Variants in TASP1 observed in about 807,000 individuals in gnomAD.
The protein encoded by TASP1 is threonine aspartase 1.
In TASP1, 16 loss-of-function variants were observed where a neutral mutation model predicts 56.6. The observed-to-expected ratio is 0.28, with a 90% confidence interval of 0.19 to 0.43. The LOEUF (loss-of-function observed/expected upper bound fraction) is 0.43. Among genes scored for constraint, TASP1 ranks in the 20% least tolerant of loss-of-function variants. The probability of loss-of-function intolerance (pLI) is 1.00; values close to 1 mark genes in which losing one functional copy is unlikely to be tolerated. For synonymous variants in TASP1, 179 were observed against 184.2 expected (o/e 0.97, Z 0.23); for missense variants, 393 against 511.6 (o/e 0.77, Z 2.24).
chr20:13,428,005 C>T (rs1476431316), intron 12 of TASP1, among the ~76,000 whole-genome samples: 1 of 152,132 alleles, frequency 6.6e-6, no homozygotes, highest in Non-Finnish European at 1.5e-5. Context: ...CTGTGGGCCT[C>T]AAATCTGTTT....
At chr20:13,272,776 G>T in the TASP1 span, among the ~76,000 whole-genome samples, 1 of 152,200 alleles carries the variant, frequency 6.6e-6, no homozygotes, top group Non-Finnish European at 1.5e-5. Context: ...GTGCAGATTG[G>T]CAAGGAAGGC....
the TASP1 span, among the ~76,000 whole-genome samples, chr20:13,318,908 T>C: frequency 6.6e-6 from 1 of 152,178 alleles, no homozygotes; most frequent in African/African-American, 2.4e-5. Context: ...CAGAACACTT[T>C]CAGGACAGTG....
chr20:13,226,048 G>T, the TASP1 span, among the ~76,000 whole-genome samples: 8 of 152,126 alleles, frequency 5.3e-5, no homozygotes. Flanking sequence ...ATTTTTAGTA[G>T]TAAGTCAGAA....
intron 4 of TASP1, among the ~76,000 whole-genome samples, chr20:13,621,063 C>A (rs1013863238): frequency 6.6e-6 from 1 of 152,160 alleles, no homozygotes; most frequent in Admixed American, 6.5e-5. Context: ...ACATATATTT[C>A]ATTCAAAGAG....
At chr20:13,551,712 A>G (rs933617495) in intron 8 of TASP1, among the ~76,000 whole-genome samples, 4 of 152,244 alleles carry the variant, frequency 2.6e-5, no homozygotes, top group Non-Finnish European at 4.4e-5. Flanking sequence ...AGCCAAGTAC[A>G]GCAATTGGCC....
At chr20:13,276,102 G>T in the TASP1 span, among the ~76,000 whole-genome samples, 3 of 152,222 alleles carry the variant, frequency 2.0e-5, no homozygotes, top group Non-Finnish European at 4.4e-5. Flanking sequence ...GGAAGAAGGG[G>T]TAGAATAATC....
rs7265024 is a variant in TASP1, at chr20:13,487,059, A to G, written c.875-3722T>C. ...AAAACTGTCTCTATTCACAGATGATATAATTTTCTACGTAGAAAATCCCAA... is the reference window on the plus strand; with the variant it reads ...AAAACTGTCTCTATTCACAGATGATGTAATTTTCTACGTAGAAAATCCCAA... On this transcript the variant is annotated intron_variant, in intron 10 of 13. Coordinates refer to ENST00000337743, the MANE Select transcript of TASP1 (RefSeq NM_017714.3). 4.9e-3 allele frequency among the ~76,000 whole-genome samples: 748 copies of G among 152,328 alleles called. 4 individuals are homozygous for G. Among genetic ancestry groups the G allele is most frequent in the African/African-American group, 0.015 (608 of 41,576 alleles).
chr20:13,249,361 G>A, the TASP1 span, among the ~76,000 whole-genome samples: 2 of 152,172 alleles, frequency 1.3e-5, no homozygotes, highest in Non-Finnish European at 2.9e-5. Flanking sequence ...TCTGCCAGCA[G>A]ACCACTGCCG....
At chr20:13,147,138 C>T in the TASP1 span, among the ~76,000 whole-genome samples, 7 of 152,162 alleles carry the variant, frequency 4.6e-5, no homozygotes, top group Admixed American at 3.9e-4. Flanking sequence ...CCAGCCTGCT[C>T]CTGCGTGCAT....
At chr20:13,584,183 T>A (rs1255647129) in intron 5 of TASP1, among the ~76,000 whole-genome samples, 2 of 152,192 alleles carry the variant, frequency 1.3e-5, no homozygotes, top group Non-Finnish European at 2.9e-5. Context: ...CAATTAACTA[T>A]GTAGGAACAA....
chr20:13,466,932 G>A (rs2044281477), intron 11 of TASP1, among the ~76,000 whole-genome samples: 1 of 152,020 alleles, frequency 6.6e-6, no homozygotes, highest in African/African-American at 2.4e-5. Flanking sequence ...TGTGAGGTAG[G>A]CAAAGCAGAC....
intron 10 of TASP1, among the ~76,000 whole-genome samples, chr20:13,494,927 G>A (rs1394457891): frequency 6.6e-6 from 1 of 151,154 alleles, no homozygotes; most frequent in Non-Finnish European, 1.5e-5. Context: ...TTGCCTCTAA[G>A]CCATGGTGTG....
chr20:13,453,601 G>T (rs1318442633), intron 11 of TASP1, among the ~76,000 whole-genome samples: 4 of 152,158 alleles, frequency 2.6e-5, no homozygotes. Flanking sequence ...ATCATAAAAA[G>T]GTGACTCATC....
intron 12 of TASP1, among the ~76,000 whole-genome samples, chr20:13,422,143 G>A (rs1196620701): frequency 6.6e-6 from 1 of 151,706 alleles, no homozygotes; most frequent in Non-Finnish European, 1.5e-5. Flanking sequence ...AGTAGAGACG[G>A]GGTTTCACTG....
chr20:13,392,972 G>A lies in TASP1; in HGVS notation c.1171-2520C>T, dbSNP rs1258675110. 49 of 591,934 alleles carry A rather than the reference G, an allele frequency of 8.3e-5. No individual in the cohort carries two copies. The East Asian group carries it at 1.8e-3, about 22-fold the overall frequency. 36.7% of individuals were successfully genotyped at this position (591,934 alleles called of 1,614,324 possible). A position where few individuals can be genotyped will look rare whatever the true frequency, so the allele number is the denominator to read the frequency against. On this transcript the variant is annotated intron_variant, in intron 13 of 13. Coordinates refer to ENST00000337743, the MANE Select transcript of TASP1 (RefSeq NM_017714.3). The stretch of plus-strand genomic sequence containing the variant: ...GCTGAGTACATTATGGAGCCCACCA[G>A]TATCTTCACGACCATGGAGAAGGCT...
intron 6 of TASP1, among the ~76,000 whole-genome samples, chr20:13,570,367 C>T (rs904125390): frequency 1.3e-5 from 2 of 152,116 alleles, no homozygotes; most frequent in Admixed American, 6.5e-5. Flanking sequence ...TCTCAGCCAG[C>T]TAGTAATGGA....
At chr20:13,387,184 A>ATTTTTTTTTTTTTTTTTTTTTTTTTTT (rs779048448), downstream of TASP1, among the ~76,000 whole-genome samples, 18 of 70,704 alleles carry the variant, frequency 2.5e-4, 3 homozygotes, top group African/African-American at 1.1e-3. Context: ...ACATGATTTC[A>ATTTTTTTTTTTTTTTTTTTTTTTTTTT]TTTTTTTTTT....
At chr20:13,619,494 GA>G (rs1162363233) in intron 4 of TASP1, among the ~76,000 whole-genome samples, 1 of 152,124 alleles carries the variant, frequency 6.6e-6, no homozygotes, top group East Asian at 1.9e-4. Flanking sequence ...CAGAATCCAT[GA>G]AACACTTTCT....
the TASP1 span, among the ~76,000 whole-genome samples, chr20:13,258,036 A>G: frequency 6.6e-6 from 1 of 152,240 alleles, no homozygotes; most frequent in South Asian, 2.1e-4. Flanking sequence ...TCTACCTCAC[A>G]TGGATGTCAT....
Sources: allele counts gnomAD v4.1 joint callset (sites outside exome capture counted in the v4.1 genomes callset), GRCh38; gene constraint gnomAD v4.1.1; transcripts MANE v1.5; gene names NCBI Gene and HGNC (gene_info 2026-07-23, HGNC 2026-07-21).